CNTN4: variants seen among roughly 807,000 people sequenced by gnomAD.
CNTN4 encodes contactin 4, also known as contactin-4.
Under a neutral mutation model 122.5 loss-of-function variants are expected in CNTN4, and 77 were observed. The ratio of observed to expected loss-of-function variants is 0.63; its 90% CI spans 0.52 to 0.76. The LOEUF (loss-of-function observed/expected upper bound fraction) is 0.76, where lower values mean the gene tolerates loss of function less well. Ranked by LOEUF, CNTN4 falls within the 30% of genes least tolerant of loss-of-function variation. The pLI, the probability that CNTN4 is intolerant of heterozygous loss-of-function variation, is 0.00. For synonymous variants in CNTN4, 512 were observed against 447.0 expected (o/e 1.15, Z -1.83); for missense variants, 1,256 against 1,259.1 (o/e 1.00, Z 0.04).
At chr3:2,184,857 G>T (rs1373593931) in intron 2 of CNTN4, among the ~76,000 whole-genome samples, 2 of 152,182 alleles carry the variant, frequency 1.3e-5, no homozygotes, top group Non-Finnish European at 2.9e-5. Flanking sequence ...AAATTACTCA[G>T]TCTGTGTTAT....
intron 2 of CNTN4, among the ~76,000 whole-genome samples, chr3:2,195,248 G>A (rs574290468): frequency 6.6e-6 from 1 of 152,320 alleles, no homozygotes; most frequent in African/African-American, 2.4e-5. Context: ...AGAAATGACA[G>A]GATTTCATTC....
At chr3:2,314,520 G>T (rs1200028642) in intron 2 of CNTN4, among the ~76,000 whole-genome samples, 1 of 151,768 alleles carries the variant, frequency 6.6e-6, no homozygotes, top group Non-Finnish European at 1.5e-5. Context: ...AGGTGAAAGG[G>T]TAGGGCAAAT....
intron 11 of CNTN4, among the ~76,000 whole-genome samples, chr3:2,902,619 T>A (rs957849105): frequency 4.6e-5 from 7 of 152,214 alleles, no homozygotes; most frequent in African/African-American, 1.7e-4. Context: ...TCTGAATGGC[T>A]CCACTATTAA....
At chr3:2,107,490 G>A (rs552786813) in intron 2 of CNTN4, among the ~76,000 whole-genome samples, 1 of 152,176 alleles carries the variant, frequency 6.6e-6, no homozygotes, top group African/African-American at 2.4e-5. Flanking sequence ...GATCTCGTGA[G>A]AATCATTCAC....
intron 7 of CNTN4, among the ~76,000 whole-genome samples, chr3:2,860,623 C>T (rs1458317474): frequency 6.6e-6 from 1 of 152,216 alleles, no homozygotes; most frequent in African/African-American, 2.4e-5. Flanking sequence ...CCCATTTCCA[C>T]ACCTTCAGAT....
Position 2,161,639 on chromosome 3 carries a change from G to A in CNTN4, c.-145+61000G>A, listed in dbSNP as rs140927655. Among the ~76,000 whole-genome samples, 10 of 152,256 alleles carry A rather than the reference G, an allele frequency of 6.6e-5. No homozygotes were observed. The East Asian group carries it at 1.2e-3, about 18-fold the overall frequency. ...TTTTTTTCCTGGTGAAATAAAGCAC[G>A]GAGGAGTTCTGAGTTCTGGAAAAAG... On this transcript the variant is annotated intron_variant, in intron 2 of 24. Coordinates refer to ENST00000418658, the MANE Select transcript of CNTN4 (RefSeq NM_175607.3).
chr3:2,192,655 A>G (rs1227367380), intron 2 of CNTN4, among the ~76,000 whole-genome samples: 1 of 152,216 alleles, frequency 6.6e-6, no homozygotes, highest in Non-Finnish European at 1.5e-5. Context: ...GCAAAAGAAG[A>G]CATTTATGCA....
intron 3 of CNTN4, among the ~76,000 whole-genome samples, chr3:2,428,675 C>A (rs879608459): frequency 1.3e-5 from 2 of 152,196 alleles, no homozygotes. Flanking sequence ...GGTTTTCCAA[C>A]TTGGTTCCAT....
intron 2 of CNTN4, among the ~76,000 whole-genome samples, chr3:2,157,338 G>T (rs1274051615): frequency 6.6e-6 from 1 of 152,110 alleles, no homozygotes; most frequent in Admixed American, 6.6e-5. Context: ...ACTCCGACGA[G>T]AAATGAGACA....
intron 3 of CNTN4, among the ~76,000 whole-genome samples, chr3:2,415,435 G>T (rs2047377003): frequency 6.6e-6 from 1 of 152,156 alleles, no homozygotes; most frequent in Non-Finnish European, 1.5e-5. Flanking sequence ...TAATAGTGCA[G>T]AGTTTCACTT....
chr3:2,533,503 TA>T (rs2077679763), intron 3 of CNTN4, among the ~76,000 whole-genome samples: 1 of 11,826 alleles, frequency 8.5e-5, no homozygotes, highest in Non-Finnish European at 2.2e-4. Context: ...ATAGGGTGTA[TA>T]TGTACCACAT....
At chr3:2,229,537 C>T (rs921723209) in intron 2 of CNTN4, among the ~76,000 whole-genome samples, 16 of 152,008 alleles carry the variant, frequency 1.1e-4, no homozygotes, top group South Asian at 2.1e-4. Context: ...CATATAGTTA[C>T]GTAAGTATTT....
intron 3 of CNTN4, among the ~76,000 whole-genome samples, chr3:2,397,752 A>G (rs1575547186): frequency 6.6e-6 from 1 of 152,180 alleles, no homozygotes; most frequent in East Asian, 1.9e-4. Context: ...TGTTTCACTA[A>G]CTTAGCCATT....
rs554908318 is a variant in CNTN4 at position 2,394,066 on chromosome 3, A to G, written c.-89+54833A>G. ...TGGTCAGGGTTATCCACGTAAAATC[A>G]AACACCAGTCTATTTTAATCCAAAG... On this transcript the variant is annotated intron_variant, in intron 3 of 24. Coordinates refer to ENST00000418658, the MANE Select transcript of CNTN4 (RefSeq NM_175607.3). 1.9e-3 allele frequency among the ~76,000 whole-genome samples: 296 copies of G among 152,326 alleles called. 4 individuals carry two copies. The highest frequency in any genetic ancestry group is 6.8e-3 in the African/African-American group (284 of 41,566).
At chr3:3,052,476 C>A (rs933598608) in intron 23 of CNTN4, among the ~76,000 whole-genome samples, 4 of 150,970 alleles carry the variant, frequency 2.6e-5, no homozygotes, top group Non-Finnish European at 4.4e-5. Context: ...ATGGTTCTAA[C>A]ATGCAGCCAG....
intron 12 of CNTN4, among the ~76,000 whole-genome samples, chr3:2,920,260 G>C (rs2094414903): frequency 7.2e-6 from 1 of 138,336 alleles, no homozygotes; most frequent in Non-Finnish European, 1.6e-5. Flanking sequence ...CTAAACTATA[G>C]TAATGGGAAG....
At chr3:2,243,652 C>T (rs1191027124) in intron 2 of CNTN4, among the ~76,000 whole-genome samples, 2 of 151,970 alleles carry the variant, frequency 1.3e-5, no homozygotes, top group Non-Finnish European at 2.9e-5. Flanking sequence ...AGTAAATAAA[C>T]AAAATGGAGT....
intron 2 of CNTN4, among the ~76,000 whole-genome samples, chr3:2,240,077 T>G (rs569163488): frequency 1.3e-5 from 2 of 152,326 alleles, no homozygotes; most frequent in African/African-American, 4.8e-5. Flanking sequence ...TCTTCCAGGC[T>G]ACTTAAATGA....
chr3:2,438,432 G>T (rs927980791), intron 3 of CNTN4, among the ~76,000 whole-genome samples: 1 of 152,204 alleles, frequency 6.6e-6, no homozygotes, highest in Non-Finnish European at 1.5e-5. Context: ...TGAGGCAGAA[G>T]AATTGCTTGA....
Sources: allele counts gnomAD v4.1 joint callset (sites outside exome capture counted in the v4.1 genomes callset), GRCh38; gene constraint gnomAD v4.1.1; transcripts MANE v1.5; gene names NCBI Gene and HGNC (gene_info 2026-07-23, HGNC 2026-07-21).